CYP4X1: variants seen among roughly 807,000 people sequenced by gnomAD.
The protein encoded by CYP4X1 is cytochrome P450 4X1.
In CYP4X1, 44 loss-of-function variants were observed where a neutral mutation model predicts 57.9. The ratio of observed to expected loss-of-function variants is 0.76; its 90% CI spans 0.60 to 0.98. The LOEUF (loss-of-function observed/expected upper bound fraction) is 0.98. Ranked by LOEUF, CYP4X1 falls within the 50% of genes least tolerant of loss-of-function variation. The pLI, the probability that CYP4X1 is intolerant of heterozygous loss-of-function variation, is 0.00. For missense variants in CYP4X1, 532 were observed against 623.9 expected (o/e 0.85, Z 1.57); for synonymous variants, 227 against 228.6 (o/e 0.99, Z 0.06).
chr1:46,999,808 A>T, the CYP4X1 span, among the ~76,000 whole-genome samples: 3 of 151,366 alleles, frequency 2.0e-5, no homozygotes, highest in African/African-American at 7.3e-5. Flanking sequence ...CTTCAATCAC[A>T]TATGGATATC....
chr1:46,986,011 G>C, the CYP4X1 span, among the ~76,000 whole-genome samples: 1 of 152,192 alleles, frequency 6.6e-6, no homozygotes, highest in Non-Finnish European at 1.5e-5. Context: ...AAACTGGATG[G>C]AGAATGAGCT....
downstream of CYP4X1, among the ~76,000 whole-genome samples, chr1:47,051,277 T>A (rs1454888019): frequency 6.6e-6 from 1 of 151,854 alleles, no homozygotes; most frequent in Non-Finnish European, 1.5e-5. Flanking sequence ...TTTTACACTG[T>A]TGGTGGCAGG....
intron 9 of CYP4X1, 136 bp from the exon 10 acceptor site, chr1:47,048,429 G>A (rs763614246): frequency 2.2e-6 from 2 of 905,136 alleles, no homozygotes; most frequent in Admixed American, 1.7e-5. Context: ...CTCCTCACTG[G>A]TGTCATCAGC....
At chr1:47,008,450 T>G in the CYP4X1 span, among the ~76,000 whole-genome samples, 7 of 152,144 alleles carry the variant, frequency 4.6e-5, no homozygotes, top group Admixed American at 2.6e-4. Flanking sequence ...GAACAACCAG[T>G]ACCAGCCACT....
the CYP4X1 span, among the ~76,000 whole-genome samples, chr1:46,964,003 A>G: frequency 6.6e-6 from 1 of 152,112 alleles, no homozygotes; most frequent in Non-Finnish European, 1.5e-5. Context: ...TTGATCTTCC[A>G]TCACTGATAC....
At chr1:47,000,701 G>A in the CYP4X1 span, among the ~76,000 whole-genome samples, 1 of 152,094 alleles carries the variant, frequency 6.6e-6, no homozygotes, top group East Asian at 1.9e-4. Flanking sequence ...ATTCAGGGAT[G>A]CAGTTGGGTA....
the CYP4X1 span, among the ~76,000 whole-genome samples, chr1:47,009,521 A>G: frequency 2.0e-5 from 3 of 152,302 alleles, no homozygotes; most frequent in South Asian, 6.2e-4. Context: ...AAGAACAAAC[A>G]CGTTCAAAAG....
chr1:47,033,257 T>C lies in CYP4X1; in HGVS notation c.381T>C (p.Ala127=), dbSNP rs114995418. 3.5e-5 allele frequency: 56 copies of C among 1,613,706 alleles called. No homozygotes were observed. In the African/African-American group the frequency reaches 6.1e-4, roughly 18 times the overall value. The change falls in exon 4 of 12, where the codon GCT becomes GCC. Residue 127 remains alanine, a synonymous_variant. Coordinates refer to ENST00000371901, the MANE Select transcript of CYP4X1 (RefSeq NM_178033.2). The part of the protein sequence containing the change: ...SPPLLGKGLA[A]LDGPKWFQHR... ...TTTCTCAAGGAAAAGGACTAGCGGCTCTAGACGGACCCAAGTGGTTCCAGC... is the reference window on the plus strand; with the variant it reads ...TTTCTCAAGGAAAAGGACTAGCGGCCCTAGACGGACCCAAGTGGTTCCAGC...
At chr1:46,967,635 G>C in the CYP4X1 span, 6 of 399,488 alleles carry the variant, frequency 1.5e-5, no homozygotes, top group South Asian at 1.5e-4. Flanking sequence ...CAGGAGACAG[G>C]AGCAGGGGTG....
At position 47,030,105 on chromosome 1, in the gene CYP4X1, A is replaced by T; in HGVS notation, c.293A>T (p.Tyr98Phe). Residue 98 changes from tyrosine to phenylalanine, a missense_variant, in exon 2 of 12, where the codon TAT (tyrosine) becomes TTT (phenylalanine). Physicochemically the swap from Tyr to Phe is conservative, Grantham distance 22. Transcript: ENST00000371901. Reference protein sequence around the residue: ...QAFFCIYDPDYAKTLLSRTDP... With the variant: ...QAFFCIYDPDFAKTLLSRTDP... ...TTTTTCTGTATCTATGACCCAGACT[A>T]TGCAAAGACACTTCTGAGCAGAACA... 1 of 1,614,050 alleles carries T rather than the reference A, an allele frequency of 6.2e-7. No homozygotes were observed. The highest frequency in any genetic ancestry group is 8.5e-7 in the Non-Finnish European group (1 of 1,179,948).
the CYP4X1 span, among the ~76,000 whole-genome samples, chr1:46,999,003 T>G: frequency 6.7e-6 from 1 of 148,292 alleles, no homozygotes; most frequent in Admixed American, 6.9e-5. Flanking sequence ...ATTAGGTAAT[T>G]TGATGCCTTG....
chr1:46,983,756 C>T, the CYP4X1 span, among the ~76,000 whole-genome samples: 1 of 152,112 alleles, frequency 6.6e-6, no homozygotes, highest in Non-Finnish European at 1.5e-5. Context: ...ACAGCAGTGG[C>T]AAAAATGGTG....
intron 8 of CYP4X1, 98 bp from the exon 9 acceptor site, chr1:47,046,369 T>TTG: frequency 1.3e-6 from 2 of 1,537,106 alleles, no homozygotes; most frequent in Non-Finnish European, 1.8e-6. Flanking sequence ...GCAAAATGGC[T>TTG]TTAACCTGAG....
At chr1:46,981,251 C>A in the CYP4X1 span, among the ~76,000 whole-genome samples, 1 of 152,014 alleles carries the variant, frequency 6.6e-6, no homozygotes, top group Non-Finnish European at 1.5e-5. Flanking sequence ...GGGCTAATAT[C>A]CAGAATCTAC....
chr1:46,967,245 A>T, the CYP4X1 span, among the ~76,000 whole-genome samples: 1 of 152,204 alleles, frequency 6.6e-6, no homozygotes, highest in Non-Finnish European at 1.5e-5. Context: ...GCCCCTCAAC[A>T]CCTTGGATTT....
chr1:46,992,220 G>T, the CYP4X1 span, among the ~76,000 whole-genome samples: 5 of 152,218 alleles, frequency 3.3e-5, no homozygotes, highest in African/African-American at 7.2e-5. Context: ...GGAGGCTGAG[G>T]CACGAGAATC....
At chr1:47,012,963 T>C in the CYP4X1 span, among the ~76,000 whole-genome samples, 17 of 152,202 alleles carry the variant, frequency 1.1e-4, no homozygotes, top group African/African-American at 3.9e-4. Context: ...ACATTTTTTT[T>C]CCTACGTTTT....
downstream of CYP4X1, among the ~76,000 whole-genome samples, chr1:47,055,301 T>C (rs972301026): frequency 6.6e-6 from 1 of 152,258 alleles, no homozygotes; most frequent in Non-Finnish European, 1.5e-5. Context: ...CTTTTTGATA[T>C]GTTGCTGGAT....
In CYP4X1 at chr1:47,049,469, C is replaced by T. The variant is rs774824441; in HGVS notation, c.1320C>T (p.His440=). 1.2e-5 allele frequency: 19 copies of T among 1,614,050 alleles called. No homozygotes were observed. The Admixed American group carries it at 2.7e-4, about 23-fold the overall frequency. The change falls in exon 11 of 12, where the codon CAC becomes CAT. Residue 440 remains histidine (H), a synonymous_variant. Coordinates refer to ENST00000371901, the MANE Select transcript of CYP4X1 (RefSeq NM_178033.2). ...RFSQENSDQR[H]PYAYLPFSAG... ...CTCAGGAGAATTCTGATCAGAGACA[C>T]CCCTATGCCTACTTACCATTCTCAG...
Sources: allele counts gnomAD v4.1 joint callset (sites outside exome capture counted in the v4.1 genomes callset), GRCh38; gene constraint gnomAD v4.1.1; transcripts MANE v1.5; gene names NCBI Gene and HGNC (gene_info 2026-07-23, HGNC 2026-07-21).